STT3B: variants seen among roughly 807,000 people sequenced by gnomAD.
STT3B encodes STT3 oligosaccharyltransferase complex catalytic subunit B.
A neutral mutation model predicts 96.8 loss-of-function variants in STT3B; 29 were observed. The observed-to-expected ratio is 0.30, with a 90% CI of 0.22 to 0.41. The LOEUF (loss-of-function observed/expected upper bound fraction) is 0.41, where lower values mean the gene tolerates loss of function less well. STT3B is among the 10% of genes least tolerant of loss of function. The pLI, the probability that STT3B is intolerant of heterozygous loss-of-function variation, is 1.00. For missense variants in STT3B, 640 were observed against 1,022.3 expected (o/e 0.63, Z 5.10); for synonymous variants, 367 against 360.0 (o/e 1.02, Z -0.22).
intron 1 of STT3B, among the ~76,000 whole-genome samples, chr3:31,536,112 C>T (rs1272091288): frequency 6.6e-6 from 1 of 152,054 alleles, no homozygotes; most frequent in Non-Finnish European, 1.5e-5. Context: ...CGTAGTTAGG[C>T]ATCTCATTCA....
intron 1 of STT3B, among the ~76,000 whole-genome samples, chr3:31,563,162 C>T (rs1340233060): frequency 6.6e-6 from 1 of 152,150 alleles, no homozygotes; most frequent in Non-Finnish European, 1.5e-5. Context: ...ATTGTTCTCT[C>T]TCAGGTGATC....
chr3:31,550,798 AT>A (rs201644397), intron 1 of STT3B, among the ~76,000 whole-genome samples: 64 of 147,654 alleles, frequency 4.3e-4, no homozygotes, highest in African/African-American at 1.4e-3. Flanking sequence ...TTGAAGGGGG[AT>A]TTTTTTTTTC....
chr3:31,636,448 G>A lies in STT3B; in HGVS notation c.*384G>A, dbSNP rs1385561430. On this transcript the variant is annotated 3_prime_UTR_variant, in exon 16 of 16. Coordinates refer to ENST00000295770, the MANE Select transcript of STT3B (RefSeq NM_178862.3). ...GACCTGCATTTTATTTGAATTACCC[G>A]AATAGCAATATGTAAAATACAAGTG... is the stretch of plus-strand genomic sequence containing the variant. 3 of 158,558 alleles carry A rather than the reference G, an allele frequency of 1.9e-5. No homozygotes were observed. The highest frequency in any genetic ancestry group is 1.8e-4 in the East Asian group (1 of 5,478). 9.8% of individuals were successfully genotyped at this position (158,558 alleles called of 1,614,324 possible).
At chr3:31,560,826 T>C (rs9883902) in intron 1 of STT3B, among the ~76,000 whole-genome samples, 83,641 of 151,976 alleles carry the variant, frequency 0.55, 25,944 homozygotes, top group Non-Finnish European at 0.71. Context: ...TCATCTATTA[T>C]TTTGTTACAT....
rs557884500 is a variant in STT3B, at chr3:31,631,569, T to C, written c.2188-1366T>C. Among the ~76,000 whole-genome samples, 11 of 152,342 alleles carry C rather than the reference T, an allele frequency of 7.2e-5. No individual in the cohort carries two copies. The East Asian group carries it at 1.7e-3, about 24-fold the overall frequency. ...TCAAGAATAATATATGGTTAAAATA[T>C]GAAGTGTAACTTTTGCTATCATATA... On this transcript the variant is annotated intron_variant, in intron 14 of 15. Coordinates refer to ENST00000295770, the MANE Select transcript of STT3B (RefSeq NM_178862.3).
chr3:31,589,939 C>A (rs1559377340), intron 3 of STT3B, among the ~76,000 whole-genome samples: 1 of 151,824 alleles, frequency 6.6e-6, no homozygotes, highest in Non-Finnish European at 1.5e-5. Context: ...GGTATTACTT[C>A]TTCTTTAACT....
intron 5 of STT3B, among the ~76,000 whole-genome samples, chr3:31,601,275 C>T (rs1277706699): frequency 6.6e-6 from 1 of 152,032 alleles, no homozygotes; most frequent in Non-Finnish European, 1.5e-5. Flanking sequence ...ATTTATTGTG[C>T]ATAATGGCCA....
At chr3:31,603,510 TTA>T (rs1698979733) in intron 5 of STT3B, among the ~76,000 whole-genome samples, 1 of 152,038 alleles carries the variant, frequency 6.6e-6, no homozygotes, top group African/African-American at 2.4e-5. Flanking sequence ...TGTTTAAAAA[TTA>T]TGTTATGCAT....
chr3:31,533,625 T>A, intron 1 of STT3B: 1 of 199,782 alleles, frequency 5.0e-6, no homozygotes, highest in Non-Finnish European at 1.0e-5. Flanking sequence ...GGAGTGTGGG[T>A]GCAGTCCCTC....
intron 1 of STT3B, among the ~76,000 whole-genome samples, chr3:31,566,590 G>A (rs1698013004): frequency 6.6e-6 from 1 of 152,106 alleles, no homozygotes; most frequent in African/African-American, 2.4e-5. Context: ...CTTTGCACTT[G>A]ATAGTTTCTT....
chr3:31,535,951 A>G (rs1200895240), intron 1 of STT3B, among the ~76,000 whole-genome samples: 1 of 152,186 alleles, frequency 6.6e-6, no homozygotes, highest in Admixed American at 6.5e-5. Flanking sequence ...TTGTATAATA[A>G]TGGACTGTCT....
rs372021397 is a variant in STT3B at position 31,532,986 on chromosome 3, G to T, written c.-13G>T. The T allele has an allele frequency of 5.0e-6, 8 of 1,584,338 alleles. No homozygotes were observed. Among genetic ancestry groups the T allele is most frequent in the East Asian group, 5.0e-5 (2 of 40,388 alleles). On this transcript the variant is annotated 5_prime_UTR_variant, in exon 1 of 16. Coordinates refer to ENST00000295770, the MANE Select transcript of STT3B (RefSeq NM_178862.3). Reference sequence around the variant, plus strand: ...GCGGAGGAGGAGAGCTAGACCCGCCGCCGGGGCACAACATGGCGGAGCCCT... The same window carrying T: ...GCGGAGGAGGAGAGCTAGACCCGCCTCCGGGGCACAACATGGCGGAGCCCT...
chr3:31,620,702 T>C (rs1365337642), intron 9 of STT3B, among the ~76,000 whole-genome samples: 2 of 152,226 alleles, frequency 1.3e-5, no homozygotes, highest in African/African-American at 4.8e-5. Context: ...ACATGAAATA[T>C]GCTGTGGTTG....
intron 5 of STT3B, among the ~76,000 whole-genome samples, chr3:31,608,967 T>C (rs1699120081): frequency 1.3e-5 from 2 of 152,002 alleles, no homozygotes; most frequent in Non-Finnish European, 2.9e-5. Context: ...ATACAAAAAT[T>C]AGCTGGGCTT....
intron 3 of STT3B, among the ~76,000 whole-genome samples, chr3:31,596,201 G>C (rs898309353): frequency 9.9e-5 from 15 of 152,144 alleles, no homozygotes; most frequent in African/African-American, 3.6e-4. Context: ...AATATACCTT[G>C]GTTTTATTGT....
chr3:31,627,076 A>T (rs536021028), intron 13 of STT3B, among the ~76,000 whole-genome samples: 87 of 152,188 alleles, frequency 5.7e-4, no homozygotes, highest in African/African-American at 2.0e-3. Flanking sequence ...GTATACTCAC[A>T]TCTGTACTCA....
Position 31,617,036 on chromosome 3 carries a change from G to A in STT3B, c.1084G>A (p.Gly362Ser). ...LFFLGVSLAAGAVFLSVIYLT... is the reference protein window; with the variant it reads ...LFFLGVSLAASAVFLSVIYLT... The stretch of plus-strand genomic sequence containing the variant: ...CTTTTTGGGTGTATCACTAGCTGCA[G>A]GTGCTGTGTTCCTTAGTGTCATCTA... Residue 362 changes from glycine (G) to serine (S), a missense_variant, in exon 7 of 16, where the codon GGT becomes AGT. Coordinates refer to ENST00000295770, the MANE Select transcript of STT3B (RefSeq NM_178862.3). 6.2e-7 allele frequency: 1 copy of A among 1,611,318 alleles called. No homozygotes were observed. Among genetic ancestry groups the A allele is most frequent in the Non-Finnish European group, 8.5e-7 (1 of 1,177,990 alleles).
At chr3:31,552,899 C>T (rs1021889601) in intron 1 of STT3B, among the ~76,000 whole-genome samples, 3 of 151,838 alleles carry the variant, frequency 2.0e-5, no homozygotes, top group African/African-American at 4.8e-5. Flanking sequence ...GTCAGGAGAT[C>T]GAGACCATCC....
chr3:31,602,094 A>T (rs990225439), intron 5 of STT3B, among the ~76,000 whole-genome samples: 1 of 152,136 alleles, frequency 6.6e-6, no homozygotes, highest in African/African-American at 2.4e-5. Context: ...ACTGCACTCC[A>T]GCCTGGGTGA....
Sources: gnomAD v4.1 joint callset for allele counts (sites outside exome capture counted in the v4.1 genomes callset) on GRCh38, gnomAD v4.1.1 for gene constraint, MANE v1.5 for transcripts, NCBI Gene and HGNC (gene_info 2026-07-23, HGNC 2026-07-21) for gene names.